The following ARHGAP5 variants were observed in gnomAD, a reference collection of about 807,000 sequenced individuals.
ARHGAP5 encodes rho GTPase-activating protein 5.
A neutral mutation model predicts 116.6 loss-of-function variants in ARHGAP5; 23 were observed. The ratio of observed to expected loss-of-function variants is 0.20; its 90% CI spans 0.14 to 0.28. ARHGAP5 has a LOEUF of 0.28. Among genes scored for constraint, ARHGAP5 ranks in the 10% least tolerant of loss-of-function variants. The probability of loss-of-function intolerance (pLI) is 1.00; values close to 1 mark genes in which losing one functional copy is unlikely to be tolerated. For synonymous variants in ARHGAP5, 574 were observed against 602.0 expected, an observed-to-expected ratio of 0.95 and a Z score of 0.68; for missense variants, 1,405 against 1,774.8, an observed-to-expected ratio of 0.79 and a Z score of 3.74.
At chr14:32,140,114 C>CTTTTTTTTTTTTTTTT (rs1881045011) in intron 3 of ARHGAP5, among the ~76,000 whole-genome samples, 1 of 15,114 alleles carries the variant, frequency 6.6e-5, no homozygotes, top group Non-Finnish European at 1.3e-4. Flanking sequence ...TTTTTTTTTT[C>CTTTTTTTTTTTTTTTT]CTTTTTTTTT....
chr14:32,119,014 C>A (rs1227324957), intron 3 of ARHGAP5, among the ~76,000 whole-genome samples: 1 of 152,046 alleles, frequency 6.6e-6, no homozygotes, highest in Non-Finnish European at 1.5e-5. Context: ...GGTCAACTCT[C>A]AGGCGATTTA....
intron 2 of ARHGAP5, among the ~76,000 whole-genome samples, chr14:32,110,537 A>G (rs941948535): frequency 6.6e-5 from 10 of 152,146 alleles, no homozygotes; most frequent in African/African-American, 2.4e-4. Context: ...GCATATTAAA[A>G]TAGCAAGGAA....
intron 3 of ARHGAP5, among the ~76,000 whole-genome samples, chr14:32,130,813 G>A (rs1277935163): frequency 1.3e-5 from 2 of 152,186 alleles, no homozygotes; most frequent in Admixed American, 6.5e-5. Flanking sequence ...TTACAGGCAT[G>A]AGCCACCGCA....
At chr14:32,082,517 T>C (rs2041787205) in intron 1 of ARHGAP5, among the ~76,000 whole-genome samples, 1 of 152,036 alleles carries the variant, frequency 6.6e-6, no homozygotes, top group Non-Finnish European at 1.5e-5. Flanking sequence ...CAAGCTCTCT[T>C]TGTCTTGCAT....
chr14:32,127,178 A>T (rs189124718), intron 3 of ARHGAP5, among the ~76,000 whole-genome samples: 13 of 149,258 alleles, frequency 8.7e-5, no homozygotes, highest in East Asian at 5.9e-4. Flanking sequence ...TTTTTTTTTT[A>T]ATTTTTTTAG....
chr14:32,127,697 C>T (rs1419762946), intron 3 of ARHGAP5, among the ~76,000 whole-genome samples: 1 of 152,230 alleles, frequency 6.6e-6, no homozygotes, highest in Non-Finnish European at 1.5e-5. Flanking sequence ...GTACACCTCC[C>T]AGACGGGGTG....
intron 2 of ARHGAP5, among the ~76,000 whole-genome samples, chr14:32,112,101 G>A (rs1016396593): frequency 4.6e-5 from 7 of 152,076 alleles, no homozygotes; most frequent in Non-Finnish European, 7.4e-5. Context: ...ACAGGCGTGA[G>A]CCACCACGCC....
At chr14:32,077,936 G>C (rs2041727366) in intron 1 of ARHGAP5, among the ~76,000 whole-genome samples, 1 of 152,154 alleles carries the variant, frequency 6.6e-6, no homozygotes, top group African/African-American at 2.4e-5. Flanking sequence ...GGGGGGATCG[G>C]CCCTTTCACT....
rs776737277 is a variant in ARHGAP5 at position 32,154,922 on chromosome 14, C to G, written c.4483C>G (p.Gln1495Glu). The G allele has an allele frequency of 1.2e-6, 2 of 1,613,674 alleles. No homozygotes were observed. The highest frequency in any genetic ancestry group is 1.7e-6 in the Non-Finnish European group (2 of 1,179,742). The change falls in exon 7 of 7, where the codon CAA (glutamine) becomes GAA (glutamate). Residue 1495 changes from glutamine (Q) to glutamate (E), a missense_variant. By Grantham distance (29) the Gln-to-Glu change is conservative. Transcript: ENST00000345122. Reference protein sequence around the residue: ...LQPQLIQPQLQTDPLGII With the variant: ...LQPQLIQPQLETDPLGII Reference sequence around the variant, plus strand: ...ACCTCAGCTGATACAACCACAATTACAAACGGATCCTCTTGGTATTATATG... The same window carrying G: ...ACCTCAGCTGATACAACCACAATTAGAAACGGATCCTCTTGGTATTATATG...
chr14:32,131,440 A>G (rs1318173038), intron 3 of ARHGAP5, among the ~76,000 whole-genome samples: 1 of 152,038 alleles, frequency 6.6e-6, no homozygotes, highest in Non-Finnish European at 1.5e-5. Flanking sequence ...ATTGTTGTGC[A>G]CCCAATCTCT....
At chr14:32,121,481 T>C (rs761555619) in intron 3 of ARHGAP5, among the ~76,000 whole-genome samples, 6 of 152,346 alleles carry the variant, frequency 3.9e-5, no homozygotes, top group Middle Eastern at 3.4e-3. Context: ...TCTGTTGTTA[T>C]ATATTTTAAA....
rs774074801 is a variant in ARHGAP5, at chr14:32,154,836, C to G, written c.4397C>G (p.Pro1466Arg). The G allele has an allele frequency of 5.4e-5, 87 of 1,614,034 alleles. No individual in the cohort carries two copies. The South Asian group carries it at 6.8e-4, about 13-fold the overall frequency. Reference sequence around the variant, plus strand: ...ACAAACATTGTGGCTCCTCCACCACCTTCAAACCCAGGACAGTTGGTGGAA... The same window carrying G: ...ACAAACATTGTGGCTCCTCCACCACGTTCAAACCCAGGACAGTTGGTGGAA... ...ETTNIVAPPP[P>R]SNPGQLVEPM... is the part of the protein sequence containing the mutation. Residue 1466 changes from proline (P) to arginine (R), a missense_variant, in exon 7 of 7, where the codon CCT becomes CGT. Around this residue, in one of 6 missense-constraint regions of ARHGAP5, gnomAD observed 85 missense variants for 96.6 expected, o/e 0.88. Transcript: ENST00000345122.
At chr14:32,152,381 G>A (rs745795764) in intron 5 of ARHGAP5, 42 bp from the exon 6 acceptor site, 20 of 1,309,476 alleles carry the variant, frequency 1.5e-5, no homozygotes, top group Non-Finnish European at 2.1e-5. Flanking sequence ...ATTTTTAAAT[G>A]TGTAAGTTTT....
At chr14:32,086,179 C>T (rs1211205501) in intron 1 of ARHGAP5, among the ~76,000 whole-genome samples, 1 of 152,058 alleles carries the variant, frequency 6.6e-6, no homozygotes, top group Non-Finnish European at 1.5e-5. Context: ...AAGTTAAGTG[C>T]AAAGAACATG....
intron 3 of ARHGAP5, among the ~76,000 whole-genome samples, chr14:32,137,877 C>G (rs1594386861): frequency 6.6e-6 from 1 of 150,944 alleles, no homozygotes; most frequent in East Asian, 2.0e-4. Context: ...GAGGCTGAGG[C>G]AGGAGAGTCC....
chr14:32,097,667 A>G (rs1878596209), intron 2 of ARHGAP5, among the ~76,000 whole-genome samples: 1 of 152,144 alleles, frequency 6.6e-6, no homozygotes, highest in Non-Finnish European at 1.5e-5. Flanking sequence ...GGAAGAAACA[A>G]AATTGTCACT....
chr14:32,138,530 C>T (rs140365950), intron 3 of ARHGAP5, among the ~76,000 whole-genome samples: 17 of 152,254 alleles, frequency 1.1e-4, no homozygotes, highest in South Asian at 4.1e-4. Context: ...GTGATCTGCC[C>T]GCCTCAGCCT....
intron 1 of ARHGAP5, among the ~76,000 whole-genome samples, chr14:32,082,911 T>A (rs1349376962): frequency 6.6e-6 from 1 of 152,264 alleles, no homozygotes; most frequent in Non-Finnish European, 1.5e-5. Flanking sequence ...TCTTGGGCTC[T>A]GTGCCCAGTC....
intron 1 of ARHGAP5, among the ~76,000 whole-genome samples, chr14:32,086,902 C>G (rs1055314548): frequency 1.3e-5 from 2 of 150,564 alleles, no homozygotes; most frequent in Admixed American, 6.6e-5. Context: ...AAAAGCAGCA[C>G]TATTGCTTAA....
Sources: gnomAD v4.1 joint callset for allele counts (sites outside exome capture counted in the v4.1 genomes callset) on GRCh38, gnomAD v4.1.1 for gene constraint, gnomAD v4.1.1 regional missense constraint, MANE v1.5 for transcripts, NCBI Gene and HGNC (gene_info 2026-07-23, HGNC 2026-07-21) for gene names.